The following LRP1B variants were observed in gnomAD, a reference collection of about 807,000 sequenced individuals.
LRP1B encodes low-density lipoprotein receptor-related protein 1B.
LRP1B carries 217 observed loss-of-function variants against 556.6 expected under a neutral mutation model. That is an observed-to-expected ratio of 0.39 (90% confidence interval 0.35 to 0.44). The LOEUF is 0.44. Ranked by LOEUF, LRP1B falls within the 20% of genes least tolerant of loss-of-function variation. The pLI, the probability that LRP1B is intolerant of heterozygous loss-of-function variation, is 1.00. For synonymous variants in LRP1B, 2,047 were observed against 1,865.8 expected, an observed-to-expected ratio of 1.10 and a Z score of -2.50; for missense variants, 5,053 against 5,620.8, an observed-to-expected ratio of 0.90 and a Z score of 3.23.
intron 18 of LRP1B, among the ~76,000 whole-genome samples, chr2:140,971,780 G>C (rs1315695932): frequency 6.6e-6 from 1 of 152,212 alleles, no homozygotes; most frequent in Non-Finnish European, 1.5e-5. Context: ...TTTGCAGTGA[G>C]CCGAGATGGC....
At chr2:141,314,716 G>A (rs997675309) in intron 3 of LRP1B, among the ~76,000 whole-genome samples, 4 of 143,352 alleles carry the variant, frequency 2.8e-5, no homozygotes, top group East Asian at 4.1e-4. Context: ...GCGTGAACCC[G>A]GGAGACAGAG....
rs141972278 is a variant in LRP1B, at chr2:141,058,766, T to C, written c.1408+117A>G. 2.1e-4 allele frequency: 149 copies of C among 716,602 alleles called. No individual in the cohort carries two copies. The East Asian group carries it at 4.8e-3, about 23-fold the overall frequency. 44.4% of individuals were successfully genotyped at this position (716,602 alleles called of 1,614,324 possible). A position where few individuals can be genotyped will look rare whatever the true frequency, so the allele number is the denominator to read the frequency against. On this transcript the variant is annotated intron_variant, in intron 9 of 90. Coordinates refer to ENST00000389484, the MANE Select transcript of LRP1B (RefSeq NM_018557.3). Reference sequence around the variant, plus strand: ...ATTTAACAAGCAGACATGCCTACTTTTGCTGTCAAAGCAGAGAATTTATGA... The same window carrying C: ...ATTTAACAAGCAGACATGCCTACTTCTGCTGTCAAAGCAGAGAATTTATGA...
chr2:141,590,575 G>A (rs570619662), intron 2 of LRP1B, among the ~76,000 whole-genome samples: 27 of 152,006 alleles, frequency 1.8e-4, no homozygotes, highest in Non-Finnish European at 3.7e-4. Flanking sequence ...TCATTTCTAA[G>A]ATGAGCTATA....
intron 1 of LRP1B, among the ~76,000 whole-genome samples, chr2:142,056,589 AACAAAC>A (rs1452101906): frequency 6.6e-6 from 1 of 152,136 alleles, no homozygotes; most frequent in African/African-American, 2.4e-5. Context: ...TACAGTAGAA[AACAAAC>A]ACAAACACAA....
chr2:141,753,744 C>T lies in LRP1B; in HGVS notation c.205+56535G>A, dbSNP rs374822633. Among the ~76,000 whole-genome samples, 4 of 152,094 alleles carry T rather than the reference C, an allele frequency of 2.6e-5. No homozygotes were observed. In the East Asian group the frequency reaches 5.8e-4, roughly 22 times the overall value. On this transcript the variant is annotated intron_variant, in intron 2 of 90. Coordinates refer to ENST00000389484, the MANE Select transcript of LRP1B (RefSeq NM_018557.3). ...ACAGCACTGCATAGGATACTTTCTC[C>T]GATCTACTGGCTAAAGTTGCCCCTC... is the stretch of plus-strand genomic sequence containing the variant.
At chr2:140,628,414 G>T (rs532167900) in intron 41 of LRP1B, among the ~76,000 whole-genome samples, 1 of 151,936 alleles carries the variant, frequency 6.6e-6, no homozygotes, top group Non-Finnish European at 1.5e-5. Flanking sequence ...GCGGGTGCCT[G>T]TAGTCCCAGC....
At chr2:141,368,123 A>G (rs1689109358) in intron 3 of LRP1B, among the ~76,000 whole-genome samples, 1 of 152,208 alleles carries the variant, frequency 6.6e-6, no homozygotes, top group Admixed American at 6.5e-5. Flanking sequence ...GGTAAAATGT[A>G]AGATTAAGAT....
intron 1 of LRP1B, among the ~76,000 whole-genome samples, chr2:142,120,895 T>A (rs1707434056): frequency 6.6e-6 from 1 of 152,136 alleles, no homozygotes; most frequent in African/African-American, 2.4e-5. Flanking sequence ...TAAACAATAT[T>A]GTAGGGCCCA....
At chr2:140,654,375 A>T (rs1246329918) in intron 41 of LRP1B, among the ~76,000 whole-genome samples, 1 of 152,192 alleles carries the variant, frequency 6.6e-6, no homozygotes, top group African/African-American at 2.4e-5. Flanking sequence ...TAAAAATAAG[A>T]AATATCTCGG....
chr2:141,981,383 G>A (rs1437547902), intron 1 of LRP1B, among the ~76,000 whole-genome samples: 1 of 152,030 alleles, frequency 6.6e-6, no homozygotes, highest in Non-Finnish European at 1.5e-5. Flanking sequence ...AAAAGACACA[G>A]TAATTGCATA....
intron 3 of LRP1B, among the ~76,000 whole-genome samples, chr2:141,271,681 T>C (rs1323603953): frequency 6.6e-6 from 1 of 151,372 alleles, no homozygotes; most frequent in Non-Finnish European, 1.5e-5. Context: ...TGAAAGAACA[T>C]ATTGTTAGTA....
At chr2:140,375,154 T>C (rs1322815513) in intron 68 of LRP1B, among the ~76,000 whole-genome samples, 1 of 148,654 alleles carries the variant, frequency 6.7e-6, no homozygotes, top group Non-Finnish European at 1.5e-5. Flanking sequence ...GTGAACTCAT[T>C]GATTTTTATA....
chr2:141,070,679 A>G (rs1699613957), intron 7 of LRP1B, among the ~76,000 whole-genome samples: 1 of 152,034 alleles, frequency 6.6e-6, no homozygotes, highest in Admixed American at 6.6e-5. Flanking sequence ...GGATATCACC[A>G]CCGATCCCAC....
At chr2:141,063,061 G>T (rs1337606120) in intron 7 of LRP1B, among the ~76,000 whole-genome samples, 1 of 151,666 alleles carries the variant, frequency 6.6e-6, no homozygotes, top group Non-Finnish European at 1.5e-5. Flanking sequence ...ACTATGTTTA[G>T]TAAACACAAA....
chr2:140,237,380 C>T (rs150065743), intron 89 of LRP1B, among the ~76,000 whole-genome samples: 5 of 150,770 alleles, frequency 3.3e-5, no homozygotes, highest in Non-Finnish European at 7.4e-5. Context: ...TTTCTTTATT[C>T]ATTGTTGATG....
At chr2:141,416,698 A>T (rs1691121511) in intron 3 of LRP1B, among the ~76,000 whole-genome samples, 2 of 151,554 alleles carry the variant, frequency 1.3e-5, no homozygotes, top group Non-Finnish European at 2.9e-5. Context: ...CAAATGATCC[A>T]CTCACCTTGG....
At chr2:141,202,750 T>TA (rs1682091757) in intron 6 of LRP1B, among the ~76,000 whole-genome samples, 1 of 151,740 alleles carries the variant, frequency 6.6e-6, no homozygotes, top group South Asian at 2.1e-4. Context: ...TGCCCAATTT[T>TA]TTTATTACAT....
intron 2 of LRP1B, among the ~76,000 whole-genome samples, chr2:141,664,529 T>C (rs1690347846): frequency 1.3e-5 from 2 of 152,120 alleles, no homozygotes; most frequent in Admixed American, 1.3e-4. Context: ...ACAAAATCAA[T>C]GTGCAAAAGT....
Position 140,325,819 on chromosome 2 carries a change from T to C in LRP1B, c.12283A>G (p.Ile4095Val), listed in dbSNP as rs1476837635. Residue 4095 changes from isoleucine (I) to valine (V), a missense_variant, in exon 80 of 91, where the codon ATT becomes GTT. This residue lies in a region of LRP1B where 551 missense variants were observed against 592.0 expected (regional missense o/e 0.93). Coordinates refer to ENST00000389484, the MANE Select transcript of LRP1B (RefSeq NM_018557.3). ...GAGCCATCATACAGAACACTGCCAA[T>C]GATGGAGAGCTCAAAGTCAGCCCAA... Reference protein sequence around the residue: ...IYWADFELSIIGSVLYDGSNS... With the variant: ...IYWADFELSIVGSVLYDGSNS... The C allele has an allele frequency of 6.2e-7, 1 of 1,613,172 alleles. No individual in the cohort carries two copies. The highest frequency in any genetic ancestry group is 8.5e-7 in the Non-Finnish European group (1 of 1,179,530).
Sources: allele counts gnomAD v4.1 joint callset (sites outside exome capture counted in the v4.1 genomes callset), GRCh38; gene constraint gnomAD v4.1.1; regional missense constraint gnomAD v4.1.1; transcripts MANE v1.5; gene names NCBI Gene and HGNC (gene_info 2026-07-23, HGNC 2026-07-21).